Variants in ABCB5 observed in about 807,000 individuals in gnomAD.
ABCB5 encodes ATP binding cassette subfamily B member 5, also known as ATP-binding cassette sub-family B member 5.
ABCB5 carries 155 observed loss-of-function variants against 144.2 expected under a neutral mutation model. That is an observed-to-expected ratio of 1.08 (90% CI 0.94 to 1.23). ABCB5 has a LOEUF of 1.23. Among genes scored for constraint, ABCB5 ranks in the 50% most tolerant of loss-of-function variants. ABCB5 has a pLI of 0.00. For missense variants in ABCB5, 1,830 were observed against 1,520.8 expected (o/e 1.20, Z -3.38); for synonymous variants, 610 against 528.6 (o/e 1.15, Z -2.11).
At chr7:20,646,485 C>T (rs189891740) in intron 9 of ABCB5, among the ~76,000 whole-genome samples, 511 of 152,294 alleles carry the variant, frequency 3.4e-3, no homozygotes, top group Non-Finnish European at 5.5e-3. Context: ...TGAGATCAGA[C>T]GGAGTTCTGC....
At position 20,718,536 on chromosome 7, in the gene ABCB5, G is replaced by C. The variant is rs143332296; in HGVS notation, c.2422-4480G>C. ...CCTTAGATGTTTTAGTGAGAAATTG[G>C]AAAATGGTTGAGTCATCACCAGATA... On this transcript the variant is annotated intron_variant, in intron 20 of 27. Transcript: ENST00000404938. Among the ~76,000 whole-genome samples, 92 of 152,216 alleles carry C rather than the reference G, an allele frequency of 6.0e-4. 1 individual carries two copies. The highest frequency in any genetic ancestry group is 2.2e-3 in the African/African-American group (91 of 41,530).
At chr7:20,633,229 T>C (rs1021916330) in intron 5 of ABCB5, among the ~76,000 whole-genome samples, 1 of 152,066 alleles carries the variant, frequency 6.6e-6, no homozygotes, top group Non-Finnish European at 1.5e-5. Flanking sequence ...GGATGTTCTG[T>C]TTTGTAATTT....
chr7:20,741,597 A>G (rs1327826311), intron 24 of ABCB5, among the ~76,000 whole-genome samples: 1 of 152,128 alleles, frequency 6.6e-6, no homozygotes, highest in African/African-American at 2.4e-5. Flanking sequence ...TAGATCTCTT[A>G]ACCACATCTT....
intron 27 of ABCB5, 115 bp downstream of exon 27, chr7:20,753,621 A>G: frequency 1.6e-6 from 2 of 1,229,948 alleles, no homozygotes; most frequent in Non-Finnish European, 2.2e-6. Context: ...TGTAGTTCTA[A>G]GGTCACCAGT....
chr7:20,651,596 G>GT lies in ABCB5; in HGVS notation c.1510dup (p.Tyr504LeufsTer2). ...AGAGAGCAGCAAGGGAAGCAAATGC[G>GT]TATGATTTTATCATGGAGTTTCCTA... On this transcript the variant is annotated frameshift_variant, in exon 13 of 28. Coordinates refer to ENST00000404938, the MANE Select transcript of ABCB5 (RefSeq NM_001163941.2). LOFTEE classifies it high-confidence loss of function. 1 of 1,613,952 alleles carries GT rather than the reference G, an allele frequency of 6.2e-7. No homozygotes were observed. The highest frequency in any genetic ancestry group is 8.5e-7 in the Non-Finnish European group (1 of 1,179,942).
chr7:20,634,331 C>T (rs1457196444), intron 5 of ABCB5, among the ~76,000 whole-genome samples: 1 of 151,154 alleles, frequency 6.6e-6, no homozygotes, highest in African/African-American at 2.4e-5. Flanking sequence ...CATATCTTTG[C>T]TATTGTGAAT....
chr7:20,751,990 C>T (rs1303790382), intron 26 of ABCB5, among the ~76,000 whole-genome samples: 7 of 152,160 alleles, frequency 4.6e-5, no homozygotes, highest in Admixed American at 1.3e-4. Context: ...TTTGAGATGA[C>T]GTAGACACAT....
Position 20,645,794 on chromosome 7 carries a change from T to C in ABCB5, c.717T>C (p.Tyr239=). 1 of 1,613,872 alleles carries C rather than the reference T, an allele frequency of 6.2e-7. No individual in the cohort carries two copies. The highest frequency in any genetic ancestry group is 1.3e-5 in the African/African-American group (1 of 75,062). ...TGACCAGTAAGGAATTAAGTGCCTATTCCAAAGCTGGGGCTGTGGCAGAAG... is the reference window on the plus strand; with the variant it reads ...TGACCAGTAAGGAATTAAGTGCCTACTCCAAAGCTGGGGCTGTGGCAGAAG... ...ISLTSKELSA[Y]SKAGAVAEEV... is the part of the protein sequence containing the mutation. Residue 239 remains tyrosine, a synonymous_variant, in exon 8 of 28, where the codon TAT becomes TAC. Coordinates refer to ENST00000404938, the MANE Select transcript of ABCB5 (RefSeq NM_001163941.2).
intron 17 of ABCB5, 99 bp downstream of exon 17, chr7:20,698,649 G>T: frequency 8.4e-7 from 1 of 1,191,744 alleles, no homozygotes. Flanking sequence ...GGAAAATTGG[G>T]ACTTTTAGTG....
In ABCB5 at chr7:20,623,191, G is replaced by A. The variant is rs1043818080; in HGVS notation, c.-21-74G>A. The A allele has an allele frequency of 1.0e-5, 9 of 888,076 alleles. No individual in the cohort carries two copies. In the Admixed American group the frequency reaches 1.1e-4, roughly 11 times the overall value. 55.0% of individuals were successfully genotyped at this position (888,076 alleles called of 1,614,324 possible). A position where few individuals can be genotyped will look rare whatever the true frequency, so the allele number is the denominator to read the frequency against. On this transcript the variant is annotated intron_variant, in intron 1 of 27. Transcript: ENST00000404938. ...TTTCAAACTGTGAGAGATGTGGGAT[G>A]TAAAGAATGCTGTATATCAACTAAG... is the stretch of plus-strand genomic sequence containing the variant.
intron 3 of ABCB5, among the ~76,000 whole-genome samples, chr7:20,627,553 C>T (rs1279503673): frequency 6.6e-6 from 1 of 151,820 alleles, no homozygotes; most frequent in Non-Finnish European, 1.5e-5. Flanking sequence ...TTCAATTTTG[C>T]TCATGATTTG....
At chr7:20,667,443 T>A in intron 14 of ABCB5, 1 of 985,578 alleles carries the variant, frequency 1.0e-6, no homozygotes, top group Non-Finnish European at 1.2e-6. Context: ...TCAGACCTTT[T>A]CTAGTTGCAA....
intron 20 of ABCB5, among the ~76,000 whole-genome samples, chr7:20,709,532 C>T (rs1786941883): frequency 6.7e-6 from 1 of 149,714 alleles, no homozygotes; most frequent in Non-Finnish European, 1.5e-5. Context: ...AAAAACATGG[C>T]ATTGAAAGTC....
In ABCB5 at chr7:20,753,475, C is replaced by T. The variant is rs752221771; in HGVS notation, c.3545C>T (p.Ala1182Val). Residue 1182 changes from alanine (A) to valine (V), a missense_variant, in exon 27 of 28, where the codon GCC (alanine) becomes GTC (valine). By Grantham distance (64) the Ala-to-Val change is moderately conservative. Coordinates refer to ENST00000404938, the MANE Select transcript of ABCB5 (RefSeq NM_001163941.2). The part of the protein sequence containing the change: ...QKPKILLLDE[A>V]TSALDNDSEK... ...CCCAAAATTTTATTGTTGGATGAGG[C>T]CACTTCAGCCCTCGATAATGACAGT... The T allele has an allele frequency of 1.9e-6, 3 of 1,613,762 alleles. No homozygotes were observed. Among genetic ancestry groups the T allele is most frequent in the Non-Finnish European group, 2.5e-6 (3 of 1,179,860 alleles).
At chr7:20,656,271 G>A (rs1784788568) in intron 13 of ABCB5, among the ~76,000 whole-genome samples, 1 of 151,994 alleles carries the variant, frequency 6.6e-6, no homozygotes, top group South Asian at 2.1e-4. Context: ...AAGATAAACT[G>A]GAGTGTACTA....
chr7:20,705,971 A>G (rs1271701451), intron 20 of ABCB5, among the ~76,000 whole-genome samples: 1 of 152,162 alleles, frequency 6.6e-6, no homozygotes, highest in Non-Finnish European at 1.5e-5. Context: ...CTCGAGAGGA[A>G]AGTGGGCATC....
chr7:20,704,807 A>AT lies in ABCB5; in HGVS notation c.2421_2421+1insT (p.Ala808CysfsTer15), dbSNP rs1441665476. ...CCATAGATATAGCACAAATTCAAGGAGTATGTATATTGTTTTTATTGTAAA... is the reference window on the plus strand; with the variant it reads ...CCATAGATATAGCACAAATTCAAGGATGTATGTATATTGTTTTTATTGTAAA... On this transcript the variant is annotated frameshift_variant and splice_region_variant. Coordinates refer to ENST00000404938, the MANE Select transcript of ABCB5 (RefSeq NM_001163941.2). LOFTEE classifies it high-confidence loss of function. The AT allele has an allele frequency of 6.2e-7, 1 of 1,609,176 alleles. No individual in the cohort carries two copies. Among genetic ancestry groups the AT allele is most frequent in the Non-Finnish European group, 8.5e-7 (1 of 1,176,152 alleles).
At chr7:20,711,778 C>CTTTCTT (rs1554287283) in intron 20 of ABCB5, among the ~76,000 whole-genome samples, 4 of 47,110 alleles carry the variant, frequency 8.5e-5, no homozygotes, top group Non-Finnish European at 1.4e-4. Context: ...TTCCTTCTTT[C>CTTTCTT]TCTTTCTTTC....
At chr7:20,745,781 T>C (rs188836201) in intron 26 of ABCB5, among the ~76,000 whole-genome samples, 2 of 152,256 alleles carry the variant, frequency 1.3e-5, no homozygotes, top group African/African-American at 2.4e-5. Flanking sequence ...TTTATCATTT[T>C]TCTTCCTCAC....
Sources: allele counts gnomAD v4.1 joint callset (sites outside exome capture counted in the v4.1 genomes callset), GRCh38; gene constraint gnomAD v4.1.1; transcripts MANE v1.5; gene names NCBI Gene and HGNC (gene_info 2026-07-23, HGNC 2026-07-21).